Variants in ZNF426 observed in about 807,000 individuals in gnomAD.
ZNF426 encodes the protein CTC-543D15.7.
Under a neutral mutation model 24.0 loss-of-function variants are expected in ZNF426, and 23 were observed. The observed-to-expected ratio is 0.96, with a 90% confidence interval of 0.69 to 1.36. The LOEUF (loss-of-function observed/expected upper bound fraction) is 1.36. Ranked by LOEUF, ZNF426 falls within the 40% of genes most tolerant of loss-of-function variation. ZNF426 has a pLI of 0.00. For missense variants in ZNF426, 646 were observed against 658.4 expected (o/e 0.98, Z 0.21); for synonymous variants, 272 against 224.6 (o/e 1.21, Z -1.89).
At chr19:9,536,440 C>G (rs955538687) in intron 2 of ZNF426, 84 bp from the exon 3 acceptor site, 1 of 1,345,258 alleles carries the variant, frequency 7.4e-7, no homozygotes, top group African/African-American at 1.5e-5. Context: ...GTAGCTCATG[C>G]CTGTAATCCC....
rs1397970042 is a variant in ZNF426, at chr19:9,538,309, G to A, written c.-175C>T. 4 of 152,296 alleles carry A rather than the reference G, an allele frequency of 2.6e-5. No homozygotes were observed. Among genetic ancestry groups the A allele is most frequent in the East Asian group, 3.9e-4 (2 of 5,178 alleles). The allele number at this position is 152,296 out of a possible 1,614,324, so 9.4% of individuals were successfully genotyped here. ...CCTGAACCGGGAAGATCCTGGGGAC[G>A]GAGCCAACGCGGATGCAAAAGGCAG... On this transcript the variant is annotated 5_prime_UTR_variant, in exon 2 of 8. Transcript: ENST00000253115.
Position 9,528,619 on chromosome 19 carries a change from A to G in ZNF426, c.1426T>C (p.Tyr476His). The change falls in exon 8 of 8, where the codon TAT (tyrosine) becomes CAT (histidine). Residue 476 changes from tyrosine to histidine, a missense_variant. Tyr to His is a moderately conservative substitution (Grantham distance 83, BLOSUM62 2). Transcript: ENST00000253115. ...GCCTTTCCACATTGTTTACACTCAT[A>G]GGGTTTTTCTCCAGTGTGGATTCGC... is the stretch of plus-strand genomic sequence containing the variant. ...HMRIHTGEKPYECKQCGKAFS... is the reference protein window; with the variant it reads ...HMRIHTGEKPHECKQCGKAFS... 1 of 1,614,010 alleles carries G rather than the reference A, an allele frequency of 6.2e-7. No individual in the cohort carries two copies. Among genetic ancestry groups the G allele is most frequent in the Non-Finnish European group, 8.5e-7 (1 of 1,179,990 alleles).
rs1184195577 is a variant in ZNF426, at chr19:9,524,255, A to G, written c.*4125T>C. On this transcript the variant is annotated 3_prime_UTR_variant, in exon 8 of 8. Coordinates refer to ENST00000253115, the MANE Select transcript of ZNF426 (RefSeq NM_024106.3). ...CTATGGATTAAATGAAGCCTTTCCC[A>G]TATTTTCCATTTACATAGGGTTTCC... The G allele has an allele frequency of 6.6e-6, 1 of 152,194 alleles. No individual in the cohort carries two copies. The highest frequency in any genetic ancestry group is 1.5e-5 in the Non-Finnish European group (1 of 68,036). The allele number at this position is 152,194 out of a possible 1,614,324, so 9.4% of individuals were successfully genotyped here.
In ZNF426 at chr19:9,528,525, T is replaced by C. The variant is rs2073826193; in HGVS notation, c.1520A>G (p.Lys507Arg). Residue 507 changes from lysine (K) to arginine (R), a missense_variant, in exon 8 of 8, where the codon AAG (lysine) becomes AGG (arginine). Coordinates refer to ENST00000253115, the MANE Select transcript of ZNF426 (RefSeq NM_024106.3). ...THTGEKPYEC[K>R]ECGKAFTCSS... ...ACACGTGAAGGCTTTCCCACACTCCTTGCATTCATAGGGTTTCTCTCCAGT... is the reference window on the plus strand; with the variant it reads ...ACACGTGAAGGCTTTCCCACACTCCCTGCATTCATAGGGTTTCTCTCCAGT... The C allele has an allele frequency of 2.5e-6, 4 of 1,614,138 alleles. No homozygotes were observed. Among genetic ancestry groups the C allele is most frequent in the Non-Finnish European group, 3.4e-6 (4 of 1,180,022 alleles).
intron 5 of ZNF426, 104 bp from the exon 6 acceptor site, chr19:9,533,029 CA>C (rs2073910601): frequency 2.0e-6 from 2 of 987,810 alleles, no homozygotes; most frequent in Non-Finnish European, 3.1e-6. Flanking sequence ...GAAGCTATTT[CA>C]AAAGGGCGAA....
rs2073999495 is a variant in ZNF426, at chr19:9,538,343, T to C, written c.-209A>G. The C allele has an allele frequency of 6.6e-6, 1 of 152,188 alleles. No homozygotes were observed. The highest frequency in any genetic ancestry group is 1.5e-5 in the Non-Finnish European group (1 of 68,030). 9.4% of individuals were successfully genotyped at this position (152,188 alleles called of 1,614,324 possible). On this transcript the variant is annotated splice_region_variant and 5_prime_UTR_variant, in exon 2 of 8. Coordinates refer to ENST00000253115, the MANE Select transcript of ZNF426 (RefSeq NM_024106.3). ...GCGGATGCAAAAGGCAGCAATTATTTTCCTGCCGGAAAAAAATTCACAAAC... is the reference window on the plus strand; with the variant it reads ...GCGGATGCAAAAGGCAGCAATTATTCTCCTGCCGGAAAAAAATTCACAAAC...
At chr19:9,535,409 C>T in intron 3 of ZNF426, 130 bp from the exon 4 acceptor site, 1 of 606,432 alleles carries the variant, frequency 1.6e-6, no homozygotes, top group Non-Finnish European at 3.0e-6. Flanking sequence ...CACATAAGGC[C>T]AGTTGCAGTG....
chr19:9,535,077 CAAAAAA>C (rs35638085), intron 4 of ZNF426, 105 bp downstream of exon 4: 296 of 415,758 alleles, frequency 7.1e-4, no homozygotes, highest in Admixed American at 2.2e-3. Context: ...GACTCCCTCT[CAAAAAA>C]AAAAAAAAAA....
In ZNF426 at chr19:9,536,262, C is replaced by T; in HGVS notation, c.-30G>A. The T allele has an allele frequency of 1.2e-6, 2 of 1,614,218 alleles. No individual in the cohort carries two copies. The highest frequency in any genetic ancestry group is 1.7e-6 in the Non-Finnish European group (2 of 1,180,042). ...CGAGGTGAGAACGTGTCAGAACCCT[C>T]CTTTCATTGATGTCACCATCACTTC... On this transcript the variant is annotated 5_prime_UTR_variant, in exon 3 of 8. Coordinates refer to ENST00000253115, the MANE Select transcript of ZNF426 (RefSeq NM_024106.3).
At chr19:9,534,874 T>C (rs2073941485) in intron 4 of ZNF426, among the ~76,000 whole-genome samples, 1 of 151,612 alleles carries the variant, frequency 6.6e-6, no homozygotes, top group Non-Finnish European at 1.5e-5. Flanking sequence ...GGATTATGGG[T>C]GTAAGCCACC....
At position 9,527,162 on chromosome 19, in the gene ZNF426, A is replaced by G. The variant is rs2073802430; in HGVS notation, c.*1218T>C. The G allele has an allele frequency of 6.6e-6, 1 of 152,220 alleles. No homozygotes were observed. Among genetic ancestry groups the G allele is most frequent in the Non-Finnish European group, 1.5e-5 (1 of 68,038 alleles). 9.4% of individuals were successfully genotyped at this position (152,220 alleles called of 1,614,324 possible). A position where few individuals can be genotyped will look rare whatever the true frequency, so the allele number is the denominator to read the frequency against. ...ACTTATTATGGCATGTGAAATATTT[A>G]AAGGTTATACCATATTCCTTACCTT... On this transcript the variant is annotated 3_prime_UTR_variant, in exon 8 of 8. Coordinates refer to ENST00000253115, the MANE Select transcript of ZNF426 (RefSeq NM_024106.3).
In ZNF426 at chr19:9,524,279, C is replaced by T. The variant is rs981111564; in HGVS notation, c.*4101G>A. The T allele has an allele frequency of 1.3e-5, 2 of 152,182 alleles. No homozygotes were observed. Among genetic ancestry groups the T allele is most frequent in the Admixed American group, 6.5e-5 (1 of 15,272 alleles). The allele number at this position is 152,182 out of a possible 1,614,324, so 9.4% of individuals were successfully genotyped here. A position where few individuals can be genotyped will look rare whatever the true frequency, so the allele number is the denominator to read the frequency against. On this transcript the variant is annotated 3_prime_UTR_variant, in exon 8 of 8. Coordinates refer to ENST00000253115, the MANE Select transcript of ZNF426 (RefSeq NM_024106.3). Reference sequence around the variant, plus strand: ...CATATTTTCCATTTACATAGGGTTTCCTGCCACTGTGAATTCTTACAAGTT... The same window carrying T: ...CATATTTTCCATTTACATAGGGTTTTCTGCCACTGTGAATTCTTACAAGTT...
rs1168022358 is a variant in ZNF426 at position 9,529,210 on chromosome 19, G to C, written c.835C>G (p.Pro279Ala). The change falls in exon 8 of 8, where the codon CCC becomes GCC. Residue 279 changes from proline to alanine, a missense_variant. Physicochemically the swap from Pro to Ala is conservative, Grantham distance 27. Coordinates refer to ENST00000253115, the MANE Select transcript of ZNF426 (RefSeq NM_024106.3). ...VLIETLNAKK[P>A]YKCKECGKGY... ...TTTCCACATTCCTTACATTTGTAGG[G>C]CTTTTTTGCATTGAGGGTTTCTATA... 6.2e-7 allele frequency: 1 copy of C among 1,613,954 alleles called. No homozygotes were observed. Among genetic ancestry groups the C allele is most frequent in the East Asian group, 2.2e-5 (1 of 44,890 alleles).
chr19:9,538,183 C>T (rs546111871), intron 2 of ZNF426, 76 bp downstream of exon 2: 35 of 152,236 alleles, frequency 2.3e-4, no homozygotes, highest in African/African-American at 8.2e-4. Context: ...CGAAACCAAA[C>T]TTACAGATGA....
chr19:9,523,801 T>C lies in ZNF426; in HGVS notation c.*4579A>G, dbSNP rs2073765384. 1 of 152,322 alleles carries C rather than the reference T, an allele frequency of 6.6e-6. No homozygotes were observed. The highest frequency in any genetic ancestry group is 1.5e-5 in the Non-Finnish European group (1 of 68,114). The allele number at this position is 152,322 out of a possible 1,614,324, so 9.4% of individuals were successfully genotyped here. On this transcript the variant is annotated 3_prime_UTR_variant, in exon 8 of 8. Transcript: ENST00000253115. ...ATGCCACTGCTGATCTGACAGAAAG[T>C]TGAGCTCAGGCAGTAATGTTTGCTC...
rs1000592460 is a variant in ZNF426 at position 9,527,437 on chromosome 19, C to T, written c.*943G>A. 1 of 152,150 alleles carries T rather than the reference C, an allele frequency of 6.6e-6. No individual in the cohort carries two copies. The highest frequency in any genetic ancestry group is 1.9e-4 in the East Asian group (1 of 5,196). 9.4% of individuals were successfully genotyped at this position (152,150 alleles called of 1,614,324 possible). A position where few individuals can be genotyped will look rare whatever the true frequency, so the allele number is the denominator to read the frequency against. The stretch of plus-strand genomic sequence containing the variant: ...AAAGAAACTTTCTTTCCTTTTTTCT[C>T]CTCTATTTTCACATGGTCTACGACC... On this transcript the variant is annotated 3_prime_UTR_variant, in exon 8 of 8. Coordinates refer to ENST00000253115, the MANE Select transcript of ZNF426 (RefSeq NM_024106.3).
At chr19:9,532,308 G>C (rs1416455290) in intron 6 of ZNF426, among the ~76,000 whole-genome samples, 2 of 145,926 alleles carry the variant, frequency 1.4e-5, no homozygotes, top group Admixed American at 6.8e-5. Context: ...TGTGGGGTGG[G>C]GGTCAGTGGC....
chr19:9,526,384 A>G lies in ZNF426; in HGVS notation c.*1996T>C, dbSNP rs763392705. ...CCATGGGTTCTACTGGATAAAGCAG[A>G]CAGCATCCAAGAACAGACAGGCAGT... On this transcript the variant is annotated 3_prime_UTR_variant, in exon 8 of 8. Coordinates refer to ENST00000253115, the MANE Select transcript of ZNF426 (RefSeq NM_024106.3). 3.9e-5 allele frequency: 6 copies of G among 152,174 alleles called. No homozygotes were observed. Among genetic ancestry groups the G allele is most frequent in the Non-Finnish European group, 8.8e-5 (6 of 68,036 alleles). The allele number at this position is 152,174 out of a possible 1,614,324, so 9.4% of individuals were successfully genotyped here.
At chr19:9,530,860 T>A in intron 7 of ZNF426, 125 bp downstream of exon 7, 1 of 699,302 alleles carries the variant, frequency 1.4e-6, no homozygotes, top group South Asian at 1.8e-5. Context: ...ATCCCTAAAT[T>A]CTTTGCTCCC....
Sources: gnomAD v4.1 joint callset for allele counts (sites outside exome capture counted in the v4.1 genomes callset) on GRCh38, gnomAD v4.1.1 for gene constraint, MANE v1.5 for transcripts, NCBI Gene and HGNC (gene_info 2026-07-23, HGNC 2026-07-21) for gene names.